Variants in ABCC4 observed in about 807,000 individuals in gnomAD.
ABCC4 encodes ATP binding cassette subfamily C member 4 (PEL blood group).
ABCC4 carries 102 observed loss-of-function variants against 168.5 expected under a neutral mutation model. The observed-to-expected ratio is 0.61, with a 90% CI of 0.52 to 0.71. The LOEUF (loss-of-function observed/expected upper bound fraction) is 0.71. Among genes scored for constraint, ABCC4 ranks in the 30% least tolerant of loss-of-function variants. ABCC4 has a pLI of 0.00. For missense variants in ABCC4, 1,402 were observed against 1,605.8 expected (o/e 0.87, Z 2.17); for synonymous variants, 617 against 590.7 (o/e 1.04, Z -0.65).
At chr13:95,126,820 T>A in intron 19 of ABCC4, among the ~76,000 whole-genome samples, 1 of 146,356 alleles carries the variant, frequency 6.8e-6, no homozygotes, top group African/African-American at 2.5e-5. Context: ...GTACACCATA[T>A]ATATTTATAT....
intron 19 of ABCC4, among the ~76,000 whole-genome samples, chr13:95,135,355 A>G (rs2036112556): frequency 6.6e-6 from 1 of 152,226 alleles, no homozygotes; most frequent in African/African-American, 2.4e-5. Context: ...CCGTGAAACT[A>G]AAGTTTTCAG....
At position 95,077,427 on chromosome 13, in the gene ABCC4, C is replaced by T. The variant is rs1449308265; in HGVS notation, c.2687-1876G>A. ...GATCTTGGCTCACTGCAGCCTCAACCTCCCAGGCTCAAGTGATCCTCCCAC... is the reference window on the plus strand; with the variant it reads ...GATCTTGGCTCACTGCAGCCTCAACTTCCCAGGCTCAAGTGATCCTCCCAC... On this transcript the variant is annotated intron_variant, in intron 21 of 30. Coordinates refer to ENST00000645237, the MANE Select transcript of ABCC4 (RefSeq NM_005845.5). 3.9e-5 allele frequency among the ~76,000 whole-genome samples: 6 copies of T among 151,904 alleles called. No homozygotes were observed. The East Asian group carries it at 1.2e-3, about 30-fold the overall frequency.
chr13:95,075,199 G>T, intron 22 of ABCC4: 1 of 526,188 alleles, frequency 1.9e-6, no homozygotes, highest in Admixed American at 3.4e-5. Context: ...CATGGTGAGA[G>T]AAAGACCCCA....
chr13:95,220,237 T>C (rs2138711387), intron 4 of ABCC4, among the ~76,000 whole-genome samples: 1 of 152,300 alleles, frequency 6.6e-6, no homozygotes, highest in Non-Finnish European at 1.5e-5. Context: ...TTCTCAAATA[T>C]GACATGTTTC....
chr13:95,140,350 G>A (rs1435432935), intron 19 of ABCC4, among the ~76,000 whole-genome samples: 1 of 152,220 alleles, frequency 6.6e-6, no homozygotes, highest in Non-Finnish European at 1.5e-5. Context: ...GAATTTGCAA[G>A]TGCATTAAAA....
intron 13 of ABCC4, among the ~76,000 whole-genome samples, chr13:95,171,591 G>GA: frequency 6.6e-6 from 1 of 151,084 alleles, no homozygotes; most frequent in African/African-American, 2.4e-5. Flanking sequence ...AAAAGAAAAA[G>GA]AAAAGAAAAG....
intron 8 of ABCC4, among the ~76,000 whole-genome samples, chr13:95,196,684 GGAAGGAAGGAAGGAAGGAA>G: frequency 2.0e-5 from 1 of 50,860 alleles, no homozygotes; most frequent in Non-Finnish European, 4.2e-5. Context: ...AAGGAAGGAA[GGAAGGAAGGAAGGAAGGAA>G]GGAAGGAAGG....
chr13:95,106,055 T>A (rs2034991856), intron 20 of ABCC4, among the ~76,000 whole-genome samples: 1 of 152,054 alleles, frequency 6.6e-6, no homozygotes, highest in Non-Finnish European at 1.5e-5. Flanking sequence ...ACATCACACA[T>A]CCTTGTTTAA....
chr13:95,225,867 GCTCATGCC>G (rs1244981846), intron 4 of ABCC4, among the ~76,000 whole-genome samples: 2 of 149,308 alleles, frequency 1.3e-5, no homozygotes, highest in Non-Finnish European at 3.0e-5. Flanking sequence ...GGCGTGAGTG[GCTCATGCC>G]TGTAATCCCA....
At chr13:95,094,557 T>C (rs1262403748) in intron 20 of ABCC4, among the ~76,000 whole-genome samples, 1 of 152,118 alleles carries the variant, frequency 6.6e-6, no homozygotes, top group Non-Finnish European at 1.5e-5. Flanking sequence ...ACCTGGAAAC[T>C]ATAAAAATTC....
intron 19 of ABCC4, among the ~76,000 whole-genome samples, chr13:95,140,413 T>C (rs765791764): frequency 4.6e-5 from 7 of 152,242 alleles, no homozygotes; most frequent in Non-Finnish European, 1.0e-4. Flanking sequence ...ATCCTATTAA[T>C]TCAAGCCACC....
chr13:95,227,523 A>G (rs1053200815), intron 4 of ABCC4, among the ~76,000 whole-genome samples: 3 of 152,210 alleles, frequency 2.0e-5, no homozygotes, highest in Admixed American at 6.5e-5. Flanking sequence ...AAGTCCAACC[A>G]AAGTATCACA....
At chr13:95,081,992 C>A (rs766485318) in intron 21 of ABCC4, among the ~76,000 whole-genome samples, 1 of 152,006 alleles carries the variant, frequency 6.6e-6, no homozygotes, top group African/African-American at 2.4e-5. Context: ...AGCAAGACTC[C>A]ATCTCAAAAT....
At chr13:95,042,419 G>A (rs892645896) in intron 29 of ABCC4, among the ~76,000 whole-genome samples, 4 of 152,138 alleles carry the variant, frequency 2.6e-5, no homozygotes, top group Non-Finnish European at 5.9e-5. Flanking sequence ...AGTGAATGCT[G>A]CGTTTGATGA....
chr13:95,091,210 T>C (rs1167742718), intron 20 of ABCC4, among the ~76,000 whole-genome samples: 1 of 152,114 alleles, frequency 6.6e-6, no homozygotes, highest in South Asian at 2.1e-4. Context: ...TCTAAAAGCT[T>C]GGAAAACATA....
intron 10 of ABCC4, among the ~76,000 whole-genome samples, chr13:95,187,867 C>A (rs1468312754): frequency 6.6e-6 from 1 of 152,122 alleles, no homozygotes; most frequent in Non-Finnish European, 1.5e-5. Context: ...TCTGTGCCCC[C>A]CACTATCAGA....
At position 95,074,258 on chromosome 13, in the gene ABCC4, A is replaced by G. The variant is rs1419030098; in HGVS notation, c.2873T>C (p.Met958Thr). The G allele has an allele frequency of 6.2e-7, 1 of 1,614,080 alleles. No homozygotes were observed. The highest frequency in any genetic ancestry group is 1.1e-5 in the South Asian group (1 of 91,022). Residue 958 changes from methionine to threonine, a missense_variant, in exon 23 of 31, where the codon ATG becomes ACG. Physicochemically the swap from Met to Thr is moderately conservative, Grantham distance 81. This residue lies in a region of ABCC4 where 1,007 missense variants were observed against 1,127.3 expected (regional missense o/e 0.89). Transcript: ENST00000645237. ...CCCAAAGGCAACGATGATGACAAAC[A>G]TGGCACAGATGGCATCCAGACGGAC... ...FAVRLDAICA[M>T]FVIIVAFGSL...
chr13:95,264,864 C>CTTTTT (rs55932446), intron 1 of ABCC4, among the ~76,000 whole-genome samples: 1 of 106,494 alleles, frequency 9.4e-6, no homozygotes, highest in Non-Finnish European at 2.0e-5. Flanking sequence ...CTACAATCCA[C>CTTTTT]TTTTTTTTTT....
intron 29 of ABCC4, among the ~76,000 whole-genome samples, chr13:95,038,994 G>A (rs1390591982): frequency 6.6e-6 from 1 of 152,146 alleles, no homozygotes; most frequent in Non-Finnish European, 1.5e-5. Flanking sequence ...GCAGAGGCTT[G>A]ACTCACAAAT....
Sources: allele counts gnomAD v4.1 joint callset (sites outside exome capture counted in the v4.1 genomes callset), GRCh38; gene constraint gnomAD v4.1.1; regional missense constraint gnomAD v4.1.1; transcripts MANE v1.5; gene names NCBI Gene and HGNC (gene_info 2026-07-23, HGNC 2026-07-21).